Variants in BPIFB3 observed in about 807,000 individuals in gnomAD.
BPIFB3 encodes BPI fold containing family B member 3.
BPIFB3 carries 49 observed loss-of-function variants against 53.1 expected under a neutral mutation model. The observed-to-expected ratio is 0.92, with a 90% CI of 0.73 to 1.17. The LOEUF is 1.17. Among genes scored for constraint, BPIFB3 ranks in the 50% most tolerant of loss-of-function variants. The probability of loss-of-function intolerance (pLI) is 0.00; values close to 1 mark genes in which losing one functional copy is unlikely to be tolerated. For missense variants in BPIFB3, 628 were observed against 592.5 expected (o/e 1.06, Z -0.62); for synonymous variants, 271 against 269.6 (o/e 1.01, Z -0.05).
intron 13 of BPIFB3, 51 bp downstream of exon 14, chr20:33,072,218 TGTC>T: frequency 6.4e-7 from 1 of 1,571,930 alleles, no homozygotes; most frequent in South Asian, 1.1e-5. Flanking sequence ...AATTTGGTAT[TGTC>T]TAGTCTGTTG....
chr20:33,063,476 T>C lies in BPIFB3; in HGVS notation c.592-139T>C, dbSNP rs1980535087. ...CCCTTCCCTGCCTCCCACCTGTGTG[T>C]CTTCTGTCTGTCTCTGCCTTCCGCC... On this transcript the variant is annotated intron_variant, in intron 5 of 14. Transcript: ENST00000375494. 3 of 860,884 alleles carry C rather than the reference T, an allele frequency of 3.5e-6. No homozygotes were observed. The South Asian group carries it at 4.4e-5, about 13-fold the overall frequency. The allele number at this position is 860,884 out of a possible 1,614,324, so 53.3% of individuals were successfully genotyped here. A position where few individuals can be genotyped will look rare whatever the true frequency, so the allele number is the denominator to read the frequency against.
At chr20:33,063,285 C>T (rs925775250) in intron 5 of BPIFB3, among the ~76,000 whole-genome samples, 1 of 152,202 alleles carries the variant, frequency 6.6e-6, no homozygotes, top group African/African-American at 2.4e-5. Flanking sequence ...ACCAAAGCCG[C>T]TTTTGCCTCC....
intron 1 of BPIFB3, 140 bp from the exon 3 acceptor site, chr20:33,056,402 C>T: frequency 8.8e-7 from 1 of 1,136,818 alleles, no homozygotes. Context: ...TTAGTGGGTT[C>T]CACCATTTGA....
In BPIFB3 at chr20:33,071,242, C is replaced by T. The variant is rs919040082; in HGVS notation, c.1218-11C>T. 1.9e-6 allele frequency: 3 copies of T among 1,560,554 alleles called. No homozygotes were observed. In the Admixed American group the frequency reaches 5.8e-5, roughly 30 times the overall value. The stretch of plus-strand genomic sequence containing the variant: ...TAGCGGGGGCCCCAGCATCTCTCTT[C>T]TCTCCACCAGGCTCAGTGTCAAGGT... On this transcript the variant is annotated splice_polypyrimidine_tract_variant and intron_variant, in intron 11 of 14. Coordinates refer to ENST00000375494, the Ensembl canonical transcript of BPIFB3.
intron 4 of BPIFB3, 151 bp from the exon 6 acceptor site, chr20:33,061,617 G>GATTT: frequency 1.4e-6 from 1 of 698,660 alleles, no homozygotes; most frequent in Non-Finnish European, 2.4e-6. Flanking sequence ...GAGGAGCCAG[G>GATTT]ATTTAACTCA....
chr20:33,064,732 C>T lies in BPIFB3; in HGVS notation c.811C>T (p.Pro271Ser), dbSNP rs201111989. The T allele has an allele frequency of 9.5e-5, 153 of 1,613,890 alleles. No individual in the cohort carries two copies. Among genetic ancestry groups the T allele is most frequent in the Admixed American group, 2.0e-4 (12 of 59,992 alleles). ...CAAGTCCCGTGCCCCAGCCAAGGTG[C>T]CCCCCAAGAAGGACCACACATCCCA... The change falls in exon 8 of 15, where the codon CCC becomes TCC. Residue 271 changes from proline to serine, a missense_variant. Pro to Ser is a moderately conservative substitution (Grantham distance 74). Transcript: ENST00000375494.
Position 33,060,142 on chromosome 20 carries a change from G to C in BPIFB3, c.527+111G>C, listed in dbSNP as rs1054639592. On this transcript the variant is annotated intron_variant, in intron 4 of 14. Coordinates refer to ENST00000375494, the Ensembl canonical transcript of BPIFB3. ...CTGCCAGCTGCGGGGGCCTGAACTCGTCCTACCCCTGCTTGTCCCGCCGGT... is the reference window on the plus strand; with the variant it reads ...CTGCCAGCTGCGGGGGCCTGAACTCCTCCTACCCCTGCTTGTCCCGCCGGT... The C allele has an allele frequency of 7.1e-6, 10 of 1,404,624 alleles. No homozygotes were observed. In the African/African-American group the frequency reaches 1.1e-4, roughly 16 times the overall value. The allele number at this position is 1,404,624 out of a possible 1,614,324, so 87.0% of individuals were successfully genotyped here. A position where few individuals can be genotyped will look rare whatever the true frequency, so the allele number is the denominator to read the frequency against.
At chr20:33,058,259 C>T (rs1980301920) in intron 2 of BPIFB3, among the ~76,000 whole-genome samples, 1 of 152,212 alleles carries the variant, frequency 6.6e-6, no homozygotes, top group African/African-American at 2.4e-5. Context: ...TGGGTGTTCA[C>T]TTCCCTAAAC....
In BPIFB3 at chr20:33,071,860, C is replaced by A. The variant is rs373412518; in HGVS notation, c.1261-244C>A. 1.6e-4 allele frequency among the ~76,000 whole-genome samples: 25 copies of A among 152,330 alleles called. No individual in the cohort carries two copies. The East Asian group carries it at 3.7e-3, about 22-fold the overall frequency. On this transcript the variant is annotated intron_variant, in intron 12 of 14. Transcript: ENST00000375494. The stretch of plus-strand genomic sequence containing the variant: ...CCCAACAGAGTCTTATAGGAAGGCA[C>A]TTCTTCCAAGCTCATGGGGCCTGGG...
rs41289874 is a variant in BPIFB3 at position 33,069,852 on chromosome 20, G to C, written c.1150-36G>C. ...GACCCGTCCTCAAGCTCCTTCTGCC[G>C]ATTGGGGGTGACTTCTGCCTGCTTT... On this transcript the variant is annotated intron_variant, in intron 10 of 14. Transcript: ENST00000375494. 2.3e-3 allele frequency: 3,674 copies of C among 1,612,570 alleles called. 7 individuals are homozygous for C. The highest frequency in any genetic ancestry group is 2.9e-3 in the Non-Finnish European group (3,379 of 1,178,736).
chr20:33,067,111 A>G (rs1458822083), intron 9 of BPIFB3, among the ~76,000 whole-genome samples: 3 of 152,208 alleles, frequency 2.0e-5, no homozygotes, highest in Admixed American at 6.5e-5. Flanking sequence ...CATTTATCCT[A>G]TGGAAATTGT....
intron 10 of BPIFB3, among the ~76,000 whole-genome samples, chr20:33,069,214 T>C (rs1980788620): frequency 6.6e-6 from 1 of 152,138 alleles, no homozygotes; most frequent in African/African-American, 2.4e-5. Flanking sequence ...CTGCCCACAC[T>C]GCTTCTTGGG....
intron 14 of BPIFB3, 73 bp from the exon 16 acceptor site, chr20:33,073,503 G>A (rs1980985469): frequency 3.2e-5 from 49 of 1,543,164 alleles, no homozygotes; most frequent in Non-Finnish European, 4.3e-5. Context: ...CAGGGCAGGG[G>A]AGTAAAGATG....
At chr20:33,066,069 C>T (rs1049886059) in intron 8 of BPIFB3, among the ~76,000 whole-genome samples, 1 of 152,198 alleles carries the variant, frequency 6.6e-6, no homozygotes, top group Non-Finnish European at 1.5e-5. Context: ...TCAGAGGCCT[C>T]GTCCTGGTGC....
chr20:33,055,421 G>T, upstream of BPIFB3: 1 of 1,613,400 alleles, frequency 6.2e-7, no homozygotes. Flanking sequence ...GCTCCTTATA[G>T]GCATGCAGCC....
At chr20:33,054,586 C>T (rs1156576478), upstream of BPIFB3, among the ~76,000 whole-genome samples, 1 of 152,060 alleles carries the variant, frequency 6.6e-6, no homozygotes, top group African/African-American at 2.4e-5. Context: ...TGTGCAAAGG[C>T]CCTGGGGTGG....
chr20:33,065,585 GGAAGGAAGGAAGGAAA>G (rs1205701087), intron 8 of BPIFB3, among the ~76,000 whole-genome samples: 3 of 147,248 alleles, frequency 2.0e-5, no homozygotes, highest in African/African-American at 5.1e-5. Flanking sequence ...GAGAAAAGAA[GGAAGGAAGGAAGGAAA>G]GAAGGAAGGA....
chr20:33,061,705 C>A, intron 4 of BPIFB3, 63 bp from the exon 6 acceptor site: 1 of 1,527,450 alleles, frequency 6.5e-7, no homozygotes. Flanking sequence ...TCCGCCCGAC[C>A]CTGTCATCTG....
chr20:33,067,299 T>G (rs1980709042), intron 9 of BPIFB3, among the ~76,000 whole-genome samples: 1 of 152,348 alleles, frequency 6.6e-6, no homozygotes. Context: ...CATAAGTACA[T>G]GACTTCCAGG....
Sources: gnomAD v4.1 joint callset for allele counts (sites outside exome capture counted in the v4.1 genomes callset) on GRCh38, gnomAD v4.1.1 for gene constraint, MANE v1.5 for transcripts, NCBI Gene and HGNC (gene_info 2026-07-23, HGNC 2026-07-21) for gene names.